Variants in RIC1 observed in about 807,000 individuals in gnomAD.
RIC1 encodes the protein guanine nucleotide exchange factor subunit RIC1.
RIC1 carries 88 observed loss-of-function variants against 169.0 expected under a neutral mutation model. The ratio of observed to expected loss-of-function variants is 0.52; its 90% CI spans 0.44 to 0.62. The LOEUF is 0.62. Ranked by LOEUF, RIC1 falls within the 20% of genes least tolerant of loss-of-function variation. The pLI is 0.00. For synonymous variants in RIC1, 790 were observed against 601.5 expected, an observed-to-expected ratio of 1.31 and a Z score of -4.59; for missense variants, 1,877 against 1,725.5, an observed-to-expected ratio of 1.09 and a Z score of -1.56.
chr9:5,679,444 T>G (rs2130629336), intron 2 of RIC1, among the ~76,000 whole-genome samples: 1 of 152,388 alleles, frequency 6.6e-6, no homozygotes, highest in East Asian at 1.9e-4. Context: ...ATGGCTATTT[T>G]CACGATATTG....
At chr9:5,746,105 A>AT (rs750771293) in intron 11 of RIC1, 22 bp downstream of exon 11, 80 of 1,578,418 alleles carry the variant, frequency 5.1e-5, no homozygotes, top group Middle Eastern at 1.8e-4. Context: ...TAAAGCTCTG[A>AT]TTTTTTAGTG....
intron 7 of RIC1, among the ~76,000 whole-genome samples, chr9:5,734,088 A>AAT (rs532980925): frequency 3.0e-4 from 44 of 146,542 alleles, no homozygotes; most frequent in African/African-American, 7.4e-4. Context: ...ATATATTTTA[A>AAT]ATATATATAT....
intron 2 of RIC1, among the ~76,000 whole-genome samples, chr9:5,684,336 G>A (rs1422326108): frequency 1.5e-5 from 2 of 130,164 alleles, no homozygotes; most frequent in Non-Finnish European, 3.1e-5. Context: ...ATGTCTGCTG[G>A]GAGTTTGATT....
At chr9:5,724,731 A>G (rs1465747814) in intron 6 of RIC1, among the ~76,000 whole-genome samples, 1 of 152,178 alleles carries the variant, frequency 6.6e-6, no homozygotes, top group Admixed American at 6.5e-5. Context: ...GATACGTCCC[A>G]TCAATACCTA....
chr9:5,767,586 C>T (rs913077463), intron 21 of RIC1, among the ~76,000 whole-genome samples: 1 of 151,200 alleles, frequency 6.6e-6, no homozygotes, highest in Non-Finnish European at 1.5e-5. Context: ...TCATGTTTTA[C>T]TGGGTTTTTT....
chr9:5,631,883 A>G (rs1213455471), intron 1 of RIC1, among the ~76,000 whole-genome samples: 2 of 152,136 alleles, frequency 1.3e-5, no homozygotes, highest in African/African-American at 4.8e-5. Context: ...ATGTAAGTTA[A>G]TTAGGTTAAC....
intron 12 of RIC1, chr9:5,748,848 T>A (rs1191207003): frequency 1.3e-5 from 2 of 152,284 alleles, no homozygotes; most frequent in African/African-American, 4.8e-5. Context: ...TAACACTGAT[T>A]TTAGGACTTT....
chr9:5,657,030 G>A (rs1218829728), intron 2 of RIC1, among the ~76,000 whole-genome samples: 2 of 151,570 alleles, frequency 1.3e-5, no homozygotes, highest in Non-Finnish European at 2.9e-5. Flanking sequence ...TTTTGACTCT[G>A]CTGCTTCCTT....
chr9:5,756,419 C>T lies in RIC1; in HGVS notation c.1853+47C>T, dbSNP rs140557235. 287 of 1,240,886 alleles carry T rather than the reference C, an allele frequency of 2.3e-4. 1 individual carries two copies. The African/African-American group carries it at 4.0e-3, about 17-fold the overall frequency. The allele number at this position is 1,240,886 out of a possible 1,614,324, so 76.9% of individuals were successfully genotyped here. ...AGTCACTTTTTGCTCCTATTTACCA[C>T]GTTTCTCTTTTGTAGTTTTTGTTTT... On this transcript the variant is annotated intron_variant, in intron 16 of 25. Transcript: ENST00000414202.
chr9:5,757,458 C>G lies in RIC1; in HGVS notation c.1992+7C>G. The G allele has an allele frequency of 6.2e-7, 1 of 1,613,760 alleles. No homozygotes were observed. The highest frequency in any genetic ancestry group is 2.2e-5 in the East Asian group (1 of 44,844). On this transcript the variant is annotated splice_region_variant and intron_variant, in intron 17 of 25. Transcript: ENST00000414202. ...CTTGAAAATGCCACAGCAGGTACCA[C>G]TCCATTATCAAAGGTCTTTGGAGTT...
chr9:5,666,713 C>T (rs1819788676), intron 2 of RIC1, among the ~76,000 whole-genome samples: 1 of 152,164 alleles, frequency 6.6e-6, no homozygotes, highest in South Asian at 2.1e-4. Flanking sequence ...ATCATCCTTG[C>T]ATTCAGTGAA....
In RIC1 at chr9:5,772,570, A is replaced by G; in HGVS notation, c.3623A>G (p.Glu1208Gly). Residue 1208 changes from glutamate to glycine, a missense_variant, in exon 24 of 26, where the codon GAA becomes GGA. This residue lies in a region of RIC1 where 681 missense variants were observed against 582.0 expected (regional missense o/e 1.17). Coordinates refer to ENST00000414202, the MANE Select transcript of RIC1 (RefSeq NM_020829.4). ...TTTGGCAATTCTTCATCAGGTGATGAATGCAGTATTGGTTCAGCCACAGAC... is the reference window on the plus strand; with the variant it reads ...TTTGGCAATTCTTCATCAGGTGATGGATGCAGTATTGGTTCAGCCACAGAC... ...FLSPLSNKGD[E>G]CSIGSATDLT... is the part of the protein sequence containing the mutation. 6.3e-7 allele frequency: 1 copy of G among 1,590,432 alleles called. No homozygotes were observed. Among genetic ancestry groups the G allele is most frequent in the Non-Finnish European group, 8.5e-7 (1 of 1,172,336 alleles).
intron 1 of RIC1, among the ~76,000 whole-genome samples, chr9:5,635,096 T>A (rs1433420891): frequency 1.3e-5 from 2 of 152,162 alleles, no homozygotes; most frequent in Non-Finnish European, 2.9e-5. Context: ...CAAGCAATTC[T>A]CCCACCTTAG....
chr9:5,684,087 G>A (rs925035096), intron 2 of RIC1, among the ~76,000 whole-genome samples: 20 of 152,106 alleles, frequency 1.3e-4, no homozygotes, highest in Admixed American at 7.2e-4. Flanking sequence ...GACCCCTTGC[G>A]CTTCCCAGGT....
chr9:5,634,514 A>T (rs1238723882), intron 1 of RIC1, among the ~76,000 whole-genome samples: 1 of 152,170 alleles, frequency 6.6e-6, no homozygotes, highest in Admixed American at 6.5e-5. Flanking sequence ...GTTTTTTGGT[A>T]AAACATCTGT....
intron 12 of RIC1, among the ~76,000 whole-genome samples, chr9:5,752,417 A>G (rs1425846224): frequency 4.0e-5 from 6 of 151,562 alleles, no homozygotes; most frequent in Admixed American, 3.9e-4. Context: ...CAATTTTTAT[A>G]TTGCATAATT....
At chr9:5,739,876 G>C (rs1824964478) in intron 8 of RIC1, among the ~76,000 whole-genome samples, 1 of 152,034 alleles carries the variant, frequency 6.6e-6, no homozygotes, top group Admixed American at 6.5e-5. Flanking sequence ...TTTCCAATCA[G>C]TGCCTTCACT....
At chr9:5,629,746 C>G (rs1817626780) in intron 1 of RIC1, among the ~76,000 whole-genome samples, 1 of 152,214 alleles carries the variant, frequency 6.6e-6, no homozygotes, top group Non-Finnish European at 1.5e-5. Context: ...CCCGGCCGAG[C>G]CCAGACTTGT....
intron 12 of RIC1, 37 bp downstream of exon 12, chr9:5,747,542 T>C (rs750242532): frequency 3.3e-6 from 5 of 1,500,144 alleles, no homozygotes; most frequent in African/African-American, 2.8e-5. Context: ...AGACTTATTC[T>C]TTGATAGGAT....
Sources: allele counts gnomAD v4.1 joint callset (sites outside exome capture counted in the v4.1 genomes callset), GRCh38; gene constraint gnomAD v4.1.1; regional missense constraint gnomAD v4.1.1; transcripts MANE v1.5; gene names NCBI Gene and HGNC (gene_info 2026-07-23, HGNC 2026-07-21).